Variants in SYNE2 observed in about 807,000 individuals in gnomAD.
The protein encoded by SYNE2 is nesprin-2.
SYNE2 carries 431 observed loss-of-function variants against 856.3 expected under a neutral mutation model. The observed-to-expected ratio is 0.50, with a 90% CI of 0.47 to 0.55. The LOEUF (loss-of-function observed/expected upper bound fraction) is 0.55. Ranked by LOEUF, SYNE2 falls within the 20% of genes least tolerant of loss-of-function variation. The pLI is 0.00. For missense variants in SYNE2, 8,129 were observed against 8,023.2 expected (o/e 1.01, Z -0.50); for synonymous variants, 2,923 against 2,872.3 (o/e 1.02, Z -0.56).
At chr14:63,848,006 C>T (rs547195960), upstream of SYNE2, among the ~76,000 whole-genome samples, 27 of 152,314 alleles carry the variant, frequency 1.8e-4, no homozygotes, top group African/African-American at 6.3e-4. Context: ...CCTGCCTCAG[C>T]CTCCTAAGTA....
chr14:63,932,402 A>G (rs1255913515), intron 2 of SYNE2, among the ~76,000 whole-genome samples: 1 of 151,724 alleles, frequency 6.6e-6, no homozygotes. Context: ...AACAAAACAA[A>G]ACAAAAAAGA....
intron 1 of SYNE2, among the ~76,000 whole-genome samples, chr14:63,840,442 CCTTCCTT>C: frequency 4.2e-5 from 2 of 47,450 alleles, no homozygotes; most frequent in Non-Finnish European, 1.2e-4. Context: ...TTCCTTCCTT[CCTTCCTT>C]CCTCCCTCCC....
At chr14:63,903,559 G>A (rs2095365933) in intron 1 of SYNE2, among the ~76,000 whole-genome samples, 1 of 152,042 alleles carries the variant, frequency 6.6e-6, no homozygotes, top group Non-Finnish European at 1.5e-5. Flanking sequence ...AAACTTCTGG[G>A]TTTGAACAAT....
chr14:63,918,027 A>G (rs895982390), intron 2 of SYNE2, among the ~76,000 whole-genome samples: 8 of 152,184 alleles, frequency 5.3e-5, no homozygotes. Flanking sequence ...TGGGTTAACA[A>G]AGATCTCATT....
At chr14:64,067,683 T>C (rs2097368025) in intron 51 of SYNE2, among the ~76,000 whole-genome samples, 1 of 152,234 alleles carries the variant, frequency 6.6e-6, no homozygotes, top group African/African-American at 2.4e-5. Context: ...TTTGTAAGTT[T>C]ACAAATTAAA....
chr14:64,148,344 C>T (rs560148479), intron 84 of SYNE2, among the ~76,000 whole-genome samples: 2 of 152,182 alleles, frequency 1.3e-5, no homozygotes, highest in South Asian at 4.2e-4. Flanking sequence ...TTAATTTTAC[C>T]AATAGAAAAC....
chr14:63,960,448 C>A (rs1398604064), intron 8 of SYNE2, among the ~76,000 whole-genome samples: 1 of 152,196 alleles, frequency 6.6e-6, no homozygotes, highest in Admixed American at 6.5e-5. Flanking sequence ...CATCTAGCAT[C>A]TACTAGCTGA....
intron 100 of SYNE2, among the ~76,000 whole-genome samples, chr14:64,206,761 C>T (rs1596222421): frequency 6.6e-6 from 1 of 152,038 alleles, no homozygotes; most frequent in Non-Finnish European, 1.5e-5. Flanking sequence ...GAACTTCTCT[C>T]GGCTTTTCAA....
rs1009367780 is a variant in SYNE2 at position 63,939,353 on chromosome 14, T to C, written c.80-1261T>C. ...CTACCTGGATTTTTTTTTTCTTTTT[T>C]TTTTTTTTTTTTGAGACGAAGTCTC... On this transcript the variant is annotated intron_variant, in intron 2 of 115. Coordinates refer to ENST00000555002, the MANE Select transcript of SYNE2 (RefSeq NM_182914.3). 1.0e-4 allele frequency among the ~76,000 whole-genome samples: 15 copies of C among 149,472 alleles called. No individual in the cohort carries two copies. The East Asian group carries it at 1.9e-3, about 19-fold the overall frequency.
rs556086221 is a variant in SYNE2 at position 64,194,714 on chromosome 14, T to C, written c.18038+4477T>C. Among the ~76,000 whole-genome samples, 14 of 152,350 alleles carry C rather than the reference T, an allele frequency of 9.2e-5. No individual in the cohort carries two copies. The South Asian group carries it at 2.7e-3, about 29-fold the overall frequency. On this transcript the variant is annotated intron_variant, in intron 99 of 115. Coordinates refer to ENST00000555002, the MANE Select transcript of SYNE2 (RefSeq NM_182914.3). The stretch of plus-strand genomic sequence containing the variant: ...CTGCCAATATGTGTGTTCCTCTGTT[T>C]TGGAGGAATCTGGATTACCTAAGAA...
rs1166507265 is a variant in SYNE2, at chr14:64,216,131, T to G, written c.19403-117T>G. 1.3e-5 allele frequency: 20 copies of G among 1,576,868 alleles called. No individual in the cohort carries two copies. In the Admixed American group the frequency reaches 3.2e-4, roughly 25 times the overall value. ...GGGACATACTGACATTTTGCAAACA[T>G]GCATGCTTTGCAAGGAAAGCTGCAG... On this transcript the variant is annotated intron_variant, in intron 107 of 115. Coordinates refer to ENST00000555002, the MANE Select transcript of SYNE2 (RefSeq NM_182914.3).
At chr14:63,839,568 G>T (rs369350861) in intron 1 of SYNE2, among the ~76,000 whole-genome samples, 7 of 152,222 alleles carry the variant, frequency 4.6e-5, no homozygotes, top group African/African-American at 1.7e-4. Context: ...AGTGGCTTAT[G>T]CCTGTAATCC....
chr14:64,049,902 A>T, intron 47 of SYNE2, 26 bp downstream of exon 47: 1 of 1,612,000 alleles, frequency 6.2e-7, no homozygotes, highest in Non-Finnish European at 8.5e-7. Flanking sequence ...TAGGACTTGC[A>T]TTCTTTTTAT....
At chr14:64,111,441 C>G (rs1274035140) in intron 65 of SYNE2, among the ~76,000 whole-genome samples, 1 of 152,004 alleles carries the variant, frequency 6.6e-6, no homozygotes, top group East Asian at 1.9e-4. Context: ...GGGAATTAAT[C>G]AGATGACTAG....
intron 18 of SYNE2, among the ~76,000 whole-genome samples, chr14:63,985,329 CAA>C (rs11399582): frequency 4.9e-5 from 4 of 82,412 alleles, no homozygotes. Flanking sequence ...GGCTCCATCT[CAA>C]AAAAAAAAAA....
Position 64,087,861 on chromosome 14 carries a change from G to A in SYNE2, c.11670+5G>A, listed in dbSNP as rs150294621. 1 of 1,613,630 alleles carries A rather than the reference G, an allele frequency of 6.2e-7. No individual in the cohort carries two copies. The highest frequency in any genetic ancestry group is 8.5e-7 in the Non-Finnish European group (1 of 1,179,728). On this transcript the variant is annotated splice_donor_5th_base_variant and intron_variant, in intron 58 of 115. Transcript: ENST00000555002. ...CAGATTCAGCGAATGGCTGATGTAAGTTTGCACCATTCATTTAATCATTCA... is the reference window on the plus strand; with the variant it reads ...CAGATTCAGCGAATGGCTGATGTAAATTTGCACCATTCATTTAATCATTCA...
intron 100 of SYNE2, 30 bp downstream of exon 100, chr14:64,202,993 G>GTTCCTCCCC: frequency 6.2e-7 from 1 of 1,613,038 alleles, no homozygotes; most frequent in Non-Finnish European, 8.5e-7. Flanking sequence ...GCTCTTGCAA[G>GTTCCTCCCC]AGTACGGTGT....
intron 11 of SYNE2, among the ~76,000 whole-genome samples, chr14:63,970,134 A>C (rs766197360): frequency 1.3e-5 from 2 of 151,888 alleles, no homozygotes; most frequent in Non-Finnish European, 2.9e-5. Flanking sequence ...TTATATTCAA[A>C]GTGTATCTCT....
At chr14:63,993,752 C>T (rs1292275725) in intron 21 of SYNE2, 83 bp from the exon 22 acceptor site, 1 of 1,314,668 alleles carries the variant, frequency 7.6e-7, no homozygotes. Flanking sequence ...TAAAGACATA[C>T]CAAAATTAGC....
Sources: allele counts gnomAD v4.1 joint callset (sites outside exome capture counted in the v4.1 genomes callset), GRCh38; gene constraint gnomAD v4.1.1; transcripts MANE v1.5; gene names NCBI Gene and HGNC (gene_info 2026-07-23, HGNC 2026-07-21).